DYRK1A: variants seen among roughly 807,000 people sequenced by gnomAD.
DYRK1A encodes dual specificity tyrosine phosphorylation regulated kinase 1A, also known as dual specificity tyrosine-phosphorylation-regulated kinase 1A.
A neutral mutation model predicts 79.7 loss-of-function variants in DYRK1A; 9 were observed. The observed-to-expected ratio is 0.11, with a 90% confidence interval of 0.07 to 0.20. The LOEUF (loss-of-function observed/expected upper bound fraction) is 0.20, where lower values mean the gene tolerates loss of function less well. Among genes scored for constraint, DYRK1A ranks in the 10% least tolerant of loss-of-function variants. DYRK1A has a pLI of 1.00. For missense variants in DYRK1A, 622 were observed against 956.0 expected (o/e 0.65, Z 4.61); for synonymous variants, 349 against 329.7 (o/e 1.06, Z -0.63).
chr21:37,438,147 G>C (rs933799652), intron 2 of DYRK1A, among the ~76,000 whole-genome samples: 2 of 152,002 alleles, frequency 1.3e-5, no homozygotes, highest in Admixed American at 1.3e-4. Flanking sequence ...TGAAGTGTTT[G>C]TTCAAATCTT....
intron 2 of DYRK1A, among the ~76,000 whole-genome samples, chr21:37,446,375 A>T (rs1403717649): frequency 6.6e-6 from 1 of 152,192 alleles, no homozygotes; most frequent in African/African-American, 2.4e-5. Context: ...TGCAACTCTT[A>T]AAAAAGCTAA....
At chr21:37,373,672 C>G (rs987789914) in intron 1 of DYRK1A, among the ~76,000 whole-genome samples, 1 of 152,202 alleles carries the variant, frequency 6.6e-6, no homozygotes, top group East Asian at 1.9e-4. Context: ...AAGGCACATT[C>G]CATCCCTTTA....
At chr21:37,468,892 A>T (rs1212177846) in intron 2 of DYRK1A, among the ~76,000 whole-genome samples, 1 of 152,252 alleles carries the variant, frequency 6.6e-6, no homozygotes, top group Non-Finnish European at 1.5e-5. Context: ...TAAGAGGGTG[A>T]CAAGGCAAGC....
At chr21:37,462,990 C>G (rs964466486) in intron 2 of DYRK1A, among the ~76,000 whole-genome samples, 2 of 152,140 alleles carry the variant, frequency 1.3e-5, no homozygotes, top group Non-Finnish European at 2.9e-5. Context: ...AATACAAATT[C>G]CTAAGGGTAA....
rs1452498381 is a variant in DYRK1A at position 37,511,814 on chromosome 21, A to C, written c.1645-97A>C. On this transcript the variant is annotated intron_variant, in intron 11 of 11. Transcript: ENST00000647188. ...TTTCAAAAACCGTTTCCCCCTGATT[A>C]ATATGATGCTAGTTTGTTAGTGTCA... 3.9e-5 allele frequency: 54 copies of C among 1,373,186 alleles called. No individual in the cohort carries two copies. The East Asian group carries it at 1.2e-3, about 32-fold the overall frequency. The allele number at this position is 1,373,186 out of a possible 1,614,324, so 85.1% of individuals were successfully genotyped here. A position where few individuals can be genotyped will look rare whatever the true frequency, so the allele number is the denominator to read the frequency against.
chr21:37,387,718 C>T (rs2049787800), intron 1 of DYRK1A, among the ~76,000 whole-genome samples: 1 of 152,176 alleles, frequency 6.6e-6, no homozygotes, highest in Non-Finnish European at 1.5e-5. Flanking sequence ...TCTTTCAATA[C>T]TTCCTGAGAA....
At chr21:37,497,307 ATTTG>A (rs1569387131) in intron 9 of DYRK1A, among the ~76,000 whole-genome samples, 1 of 152,128 alleles carries the variant, frequency 6.6e-6, no homozygotes, top group Non-Finnish European at 1.5e-5. Context: ...TTCAAAACTG[ATTTG>A]TAAGTTCTTG....
At chr21:37,432,681 T>C (rs1248388378) in intron 2 of DYRK1A, among the ~76,000 whole-genome samples, 2 of 152,206 alleles carry the variant, frequency 1.3e-5, no homozygotes, top group African/African-American at 4.8e-5. Context: ...AATACATTAC[T>C]GGGCATAATA....
chr21:37,435,764 G>A (rs1011150271), intron 2 of DYRK1A, among the ~76,000 whole-genome samples: 2 of 152,146 alleles, frequency 1.3e-5, no homozygotes, highest in African/African-American at 2.4e-5. Context: ...ATAAAATGTT[G>A]CAAGCTTTTG....
At chr21:37,440,581 A>G (rs1276343790) in intron 2 of DYRK1A, among the ~76,000 whole-genome samples, 1 of 151,848 alleles carries the variant, frequency 6.6e-6, no homozygotes, top group African/African-American at 2.4e-5. Flanking sequence ...GATATATTTT[A>G]TTTTCATTCT....
intron 11 of DYRK1A, among the ~76,000 whole-genome samples, chr21:37,511,528 G>T (rs1018598505): frequency 1.1e-4 from 16 of 152,162 alleles, no homozygotes; most frequent in African/African-American, 3.6e-4. Flanking sequence ...ATTGAAAGAA[G>T]AAAGATGGAG....
intron 1 of DYRK1A, among the ~76,000 whole-genome samples, chr21:37,368,440 T>G (rs2049362336): frequency 6.6e-6 from 1 of 152,168 alleles, no homozygotes. Flanking sequence ...TTAAAAATGG[T>G]AAAATTAGTG....
chr21:37,406,016 C>T (rs993241951), intron 1 of DYRK1A, among the ~76,000 whole-genome samples: 7 of 144,366 alleles, frequency 4.8e-5, no homozygotes, highest in Admixed American at 3.5e-4. Flanking sequence ...GGTCATTCCT[C>T]TTTTTTTTTT....
intron 2 of DYRK1A, among the ~76,000 whole-genome samples, chr21:37,470,614 A>G (rs1449863111): frequency 6.6e-6 from 1 of 152,202 alleles, no homozygotes; most frequent in Non-Finnish European, 1.5e-5. Flanking sequence ...GTTTATAAGA[A>G]CTTTTTATAT....
At chr21:37,482,371 G>T (rs910153523) in intron 5 of DYRK1A, among the ~76,000 whole-genome samples, 3 of 152,162 alleles carry the variant, frequency 2.0e-5, no homozygotes, top group African/African-American at 7.2e-5. Flanking sequence ...CTGGGCATCT[G>T]GGGGAGACAT....
intron 2 of DYRK1A, among the ~76,000 whole-genome samples, chr21:37,467,517 A>G (rs2052070983): frequency 3.3e-5 from 5 of 152,240 alleles, no homozygotes; most frequent in Admixed American, 3.3e-4. Context: ...GGTGGGAACC[A>G]CCATGCTTGG....
intron 6 of DYRK1A, among the ~76,000 whole-genome samples, 166 bp from the exon 7 acceptor site, chr21:37,490,009 T>G (rs937580754): frequency 2.6e-5 from 4 of 152,160 alleles, no homozygotes; most frequent in Non-Finnish European, 4.4e-5. Context: ...ACTTAGATAT[T>G]CTTAACTGAT....
upstream of DYRK1A, among the ~76,000 whole-genome samples, chr21:37,366,492 A>C (rs1230118553): frequency 2.2e-5 from 3 of 137,322 alleles, no homozygotes; most frequent in Admixed American, 7.0e-5. Context: ...CCCAGCCCCT[A>C]CCCTCCCTCG....
rs537301856 is a variant in DYRK1A at position 37,370,747 on chromosome 21, G to T, written c.-77+3119G>T. ...TAAGCAGTTATTTAAACTGAACCAA[G>T]AATCTTTACTTTCTGTTGAGTGTTT... On this transcript the variant is annotated intron_variant, in intron 1 of 11. Coordinates refer to ENST00000647188, the MANE Select transcript of DYRK1A (RefSeq NM_001347721.2). Among the ~76,000 whole-genome samples, 12 of 152,256 alleles carry T rather than the reference G, an allele frequency of 7.9e-5. No individual in the cohort carries two copies. In the South Asian group the frequency reaches 1.7e-3, roughly 21 times the overall value.
Sources: allele counts gnomAD v4.1 joint callset (sites outside exome capture counted in the v4.1 genomes callset), GRCh38; gene constraint gnomAD v4.1.1; transcripts MANE v1.5; gene names NCBI Gene and HGNC (gene_info 2026-07-23, HGNC 2026-07-21).